Variants in MEGF10 observed in about 807,000 individuals in gnomAD.
MEGF10 encodes multiple epidermal growth factor-like domains protein 10.
In MEGF10, 86 loss-of-function variants were observed where a neutral mutation model predicts 147.5. The ratio of observed to expected loss-of-function variants is 0.58; its 90% confidence interval spans 0.49 to 0.70. The LOEUF is 0.70. Among genes scored for constraint, MEGF10 ranks in the 30% least tolerant of loss-of-function variants. The pLI, the probability that MEGF10 is intolerant of heterozygous loss-of-function variation, is 0.00. For synonymous variants in MEGF10, 478 were observed against 525.5 expected, an observed-to-expected ratio of 0.91 and a Z score of 1.24; for missense variants, 1,329 against 1,487.3, an observed-to-expected ratio of 0.89 and a Z score of 1.75.
At chr5:127,365,986 CT>C (rs1762639022) in intron 4 of MEGF10, among the ~76,000 whole-genome samples, 1 of 151,902 alleles carries the variant, frequency 6.6e-6, no homozygotes, top group Admixed American at 6.5e-5. Context: ...TCCCTTTTTT[CT>C]TTTCTAGTTC....
At chr5:127,268,637 G>A in the MEGF10 span, among the ~76,000 whole-genome samples, 4 of 152,250 alleles carry the variant, frequency 2.6e-5, no homozygotes, top group African/African-American at 7.2e-5. Context: ...AGGCCTGCCT[G>A]CCTCTGTAGA....
intron 4 of MEGF10, among the ~76,000 whole-genome samples, chr5:127,358,025 C>T (rs1047651345): frequency 6.6e-6 from 1 of 152,204 alleles, no homozygotes; most frequent in African/African-American, 2.4e-5. Context: ...GGGGCATTCT[C>T]ATAGCAAAGG....
At position 127,405,618 on chromosome 5, in the gene MEGF10, T is replaced by G. The variant is rs1764293674; in HGVS notation, c.917+2936T>G. ...ATGATTATTTCATTTCCTTGAATTA[T>G]TGCATAAATTTGAGCCTCCAAATTA... On this transcript the variant is annotated intron_variant, in intron 8 of 24. Coordinates refer to ENST00000503335, the MANE Select transcript of MEGF10 (RefSeq NM_001256545.2). Among the ~76,000 whole-genome samples the G allele has an allele frequency of 2.0e-5, 3 of 152,126 alleles. 1 individual carries two copies. In the South Asian group the frequency reaches 6.2e-4, roughly 32 times the overall value.
intron 8 of MEGF10, among the ~76,000 whole-genome samples, chr5:127,406,514 C>A (rs912809036): frequency 6.6e-6 from 1 of 152,108 alleles, no homozygotes; most frequent in African/African-American, 2.4e-5. Flanking sequence ...GGGAGAAAGG[C>A]CTTGATAGGC....
At chr5:127,439,929 A>G (rs930461680) in intron 17 of MEGF10, among the ~76,000 whole-genome samples, 2 of 152,242 alleles carry the variant, frequency 1.3e-5, no homozygotes, top group Admixed American at 6.5e-5. Flanking sequence ...ATCGGTGCAT[A>G]CTGGCATCTG....
chr5:127,391,130 A>G (rs1232336282), intron 5 of MEGF10, among the ~76,000 whole-genome samples: 3 of 121,646 alleles, frequency 2.5e-5, no homozygotes, highest in African/African-American at 8.5e-5. Flanking sequence ...ACACACACAC[A>G]CACACACACA....
intron 15 of MEGF10, 125 bp downstream of exon 15, chr5:127,434,946 C>G: frequency 1.5e-6 from 2 of 1,301,444 alleles, no homozygotes; most frequent in Non-Finnish European, 2.0e-6. Context: ...ATGTCTTCTG[C>G]TGTGCTGTGT....
intron 5 of MEGF10, among the ~76,000 whole-genome samples, chr5:127,395,536 CTTTTTTTTTTTTTTT>C (rs35926205): frequency 3.0e-5 from 2 of 65,576 alleles, no homozygotes; most frequent in African/African-American, 1.2e-4. Context: ...TGACTGATAT[CTTTTTTTTTTTTTTT>C]TTTTTTTTTT....
chr5:127,335,386 G>T (rs1344926908), intron 2 of MEGF10, among the ~76,000 whole-genome samples: 1 of 152,186 alleles, frequency 6.6e-6, no homozygotes, highest in Non-Finnish European at 1.5e-5. Flanking sequence ...AGCTGCTGGT[G>T]AATGTGGAGG....
In MEGF10 at chr5:127,319,574, C is replaced by T. The variant is rs539185321; in HGVS notation, c.-18-11717C>T. On this transcript the variant is annotated intron_variant, in intron 1 of 24. Coordinates refer to ENST00000503335, the MANE Select transcript of MEGF10 (RefSeq NM_001256545.2). ...AATTAGGAGATGTCAGTTTACCTTC[C>T]ATCAGCTCTTTCACATGGCCATTGG... Among the ~76,000 whole-genome samples the T allele has an allele frequency of 8.5e-5, 13 of 152,288 alleles. No homozygotes were observed. The Middle Eastern group carries it at 0.017, about 199-fold the overall frequency.
In MEGF10 at chr5:127,325,455, G is replaced by C. The variant is rs80130419; in HGVS notation, c.-18-5836G>C. Among the ~76,000 whole-genome samples the C allele has an allele frequency of 8.2e-3, 1,254 of 152,182 alleles. 18 individuals are homozygous for C. The highest frequency in any genetic ancestry group is 0.029 in the African/African-American group (1,206 of 41,506). ...TTGTAGAGGATTTTCCAGAGCTGAT[G>C]ATGAGTGAATTACCAGGGTCTTCCC... On this transcript the variant is annotated intron_variant, in intron 1 of 24. Coordinates refer to ENST00000503335, the MANE Select transcript of MEGF10 (RefSeq NM_001256545.2).
At chr5:127,256,793 G>A in the MEGF10 span, among the ~76,000 whole-genome samples, 1 of 152,038 alleles carries the variant, frequency 6.6e-6, no homozygotes, top group Non-Finnish European at 1.5e-5. Flanking sequence ...GGTAGAAGAG[G>A]GAAAGCTTCC....
chr5:127,259,911 C>T, the MEGF10 span, among the ~76,000 whole-genome samples: 1 of 152,120 alleles, frequency 6.6e-6, no homozygotes, highest in Non-Finnish European at 1.5e-5. Flanking sequence ...AATCCCAGCA[C>T]TTTGGGAGAC....
At chr5:127,310,046 A>C (rs13153845) in intron 1 of MEGF10, among the ~76,000 whole-genome samples, 16,972 of 29,976 alleles carry the variant, frequency 0.57, 6,095 homozygotes, top group Middle Eastern at 0.83. Context: ...TTCTTTCTTT[A>C]TTTCTTTCTT....
chr5:127,266,652 G>T, the MEGF10 span, among the ~76,000 whole-genome samples: 1 of 152,076 alleles, frequency 6.6e-6, no homozygotes, highest in African/African-American at 2.4e-5. Context: ...TTGTAAGTTG[G>T]ATTCCTAGGT....
intron 17 of MEGF10, among the ~76,000 whole-genome samples, chr5:127,439,296 G>A (rs1422370648): frequency 4.6e-5 from 7 of 152,078 alleles, no homozygotes; most frequent in African/African-American, 1.4e-4. Context: ...TCTTACCTTC[G>A]GTTGAATAAA....
At chr5:127,239,664 A>C in the MEGF10 span, among the ~76,000 whole-genome samples, 1 of 151,966 alleles carries the variant, frequency 6.6e-6, no homozygotes, top group Non-Finnish European at 1.5e-5. Context: ...AAGATTGGGA[A>C]TATAGATCAG....
the MEGF10 span, among the ~76,000 whole-genome samples, chr5:127,232,138 A>G: frequency 1.3e-5 from 2 of 152,322 alleles, no homozygotes; most frequent in East Asian, 3.9e-4. Context: ...TGGTAACAAT[A>G]TTTTTATTTG....
At chr5:127,310,184 T>C (rs1158965954) in intron 1 of MEGF10, among the ~76,000 whole-genome samples, 1 of 151,796 alleles carries the variant, frequency 6.6e-6, no homozygotes, top group Non-Finnish European at 1.5e-5. Context: ...CGGCCTTTTT[T>C]AAATGTGCAT....
Sources: gnomAD v4.1 joint callset for allele counts (sites outside exome capture counted in the v4.1 genomes callset) on GRCh38, gnomAD v4.1.1 for gene constraint, MANE v1.5 for transcripts, NCBI Gene and HGNC (gene_info 2026-07-23, HGNC 2026-07-21) for gene names.